The following MAOB variants were observed in gnomAD, a reference collection of about 807,000 sequenced individuals.
MAOB encodes the protein monoamine oxidase B.
MAOB carries 15 observed loss-of-function variants against 41.9 expected under a neutral mutation model. The ratio of observed to expected loss-of-function variants is 0.36; its 90% CI spans 0.24 to 0.55. The LOEUF (loss-of-function observed/expected upper bound fraction) is 0.55. Among genes scored for constraint, MAOB ranks in the 20% least tolerant of loss-of-function variants. MAOB has a pLI of 0.86. For missense variants in MAOB, 345 were observed against 398.7 expected (o/e 0.87, Z 1.15); for synonymous variants, 167 against 144.2 (o/e 1.16, Z -1.13).
At chrX:43,834,251 G>A (rs989267601) in intron 3 of MAOB, among the ~76,000 whole-genome samples, 2 of 111,204 alleles carry the variant, frequency 1.8e-5, no homozygotes, top group Non-Finnish European at 3.8e-5. Flanking sequence ...ACCTGTTCCT[G>A]GAGACTTCTG....
At position 43,878,838 on chromosome X, in the gene MAOB, C is replaced by A. The variant is rs1316648523; in HGVS notation, c.46+3416G>T. ...CTTGCTCTCCCTGCCACAAAGATCA[C>A]CTGCCAGGTGTTGGTTACAATTTGG... On this transcript the variant is annotated intron_variant, in intron 1 of 14. Transcript: ENST00000378069. Among the ~76,000 whole-genome samples, 9 of 111,369 alleles carry A rather than the reference C, an allele frequency of 8.1e-5. No individual in the cohort carries two copies. In the Admixed American group the frequency reaches 8.6e-4, roughly 11 times the overall value.
chrX:43,827,805 C>T (rs919947539), intron 3 of MAOB, among the ~76,000 whole-genome samples: 7 of 111,962 alleles, frequency 6.3e-5, no homozygotes, highest in South Asian at 7.6e-4. Context: ...TGGGGCATAT[C>T]ATTTAGGTAC....
intron 1 of MAOB, among the ~76,000 whole-genome samples, chrX:43,847,059 A>G (rs888706633): frequency 4.4e-5 from 5 of 112,538 alleles, no homozygotes; most frequent in African/African-American, 1.6e-4. Flanking sequence ...AAATGAAAAT[A>G]CTGGCCAGGC....
At chrX:43,808,699 GAC>G (rs147523888) in intron 3 of MAOB, among the ~76,000 whole-genome samples, 2,663 of 87,343 alleles carry the variant, frequency 0.03, 40 homozygotes, top group Non-Finnish European at 0.043. Context: ...TCTACACATA[GAC>G]ACACACACAC....
At chrX:43,792,511 A>T (rs186930132) in intron 8 of MAOB, among the ~76,000 whole-genome samples, 1 of 112,149 alleles carries the variant, frequency 8.9e-6, no homozygotes, top group Admixed American at 9.4e-5. Flanking sequence ...AAATAACCCC[A>T]TTAAAAAGTA....
rs1230137519 is a variant in MAOB at position 43,767,181 on chromosome X, G to A, written c.*285C>T. On this transcript the variant is annotated 3_prime_UTR_variant, in exon 15 of 15. Transcript: ENST00000378069. ...TGTGCATGGGCAAGGTGTGTTGTGG[G>A]GCAGCAAGAACCTTAAACAAGCCAA... 3 of 287,767 alleles carry A rather than the reference G, an allele frequency of 1.0e-5. No homozygotes were observed. The highest frequency in any genetic ancestry group is 1.8e-5 in the Non-Finnish European group (3 of 164,504). The allele number at this position is 287,767 out of a possible 1,213,427, so 23.7% of individuals were successfully genotyped here. A position where few individuals can be genotyped will look rare whatever the true frequency, so the allele number is the denominator to read the frequency against.
intron 5 of MAOB, among the ~76,000 whole-genome samples, chrX:43,799,129 G>A (rs1402515076): frequency 1.3e-4 from 14 of 111,462 alleles, no homozygotes; most frequent in Middle Eastern, 4.6e-3. Flanking sequence ...ATTTGCAGCT[G>A]TAACAACCTG....
In MAOB at chrX:43,843,771, G is replaced by A; in HGVS notation, c.47-7C>T. 1 of 1,208,984 alleles carries A rather than the reference G, an allele frequency of 8.3e-7. No homozygotes were observed. The highest frequency in any genetic ancestry group is 2.3e-4 in the Middle Eastern group (1 of 4,342). Reference sequence around the variant, plus strand: ...AGTTTGGCTGCTGCCATACCTGGGAGAAAAGACAGTAAGACATCAGGATCA... The same window carrying A: ...AGTTTGGCTGCTGCCATACCTGGGAAAAAAGACAGTAAGACATCAGGATCA... On this transcript the variant is annotated splice_polypyrimidine_tract_variant and splice_region_variant and intron_variant, in intron 1 of 14. Coordinates refer to ENST00000378069, the MANE Select transcript of MAOB (RefSeq NM_000898.5).
intron 3 of MAOB, among the ~76,000 whole-genome samples, chrX:43,830,561 A>G: frequency 2.7e-5 from 3 of 112,312 alleles, no homozygotes; most frequent in Middle Eastern, 4.6e-3. Context: ...CCAATAACAC[A>G]GAAGAAAAAT....
intron 1 of MAOB, among the ~76,000 whole-genome samples, chrX:43,870,184 A>G (rs1237354621): frequency 1.8e-5 from 2 of 112,431 alleles, no homozygotes; most frequent in East Asian, 5.6e-4. Flanking sequence ...ACAGCGTCCA[A>G]ACTTCTGTAT....
intron 1 of MAOB, among the ~76,000 whole-genome samples, chrX:43,878,140 G>A (rs1323939896): frequency 8.9e-6 from 1 of 111,737 alleles, no homozygotes; most frequent in Non-Finnish European, 1.9e-5. Flanking sequence ...TAAAGATGAG[G>A]CAGCTGAAAT....
intron 8 of MAOB, among the ~76,000 whole-genome samples, chrX:43,791,919 C>T (rs933274511): frequency 1.8e-5 from 2 of 111,961 alleles, no homozygotes; most frequent in African/African-American, 6.5e-5. Context: ...GTGAGCAACC[C>T]TGCAATGTTC....
At chrX:43,866,781 T>C (rs948501993) in intron 1 of MAOB, among the ~76,000 whole-genome samples, 4 of 112,494 alleles carry the variant, frequency 3.6e-5, no homozygotes, top group Non-Finnish European at 5.6e-5. Context: ...GACCGAATGA[T>C]GGGACACAAA....
intron 1 of MAOB, among the ~76,000 whole-genome samples, chrX:43,857,114 TATAGAG>T (rs1188130163): frequency 0.01 from 118 of 11,421 alleles, no homozygotes; most frequent in Non-Finnish European, 0.015. Flanking sequence ...TATATATATA[TATAGAG>T]AGAGAGAGAG....
At chrX:43,860,851 G>T (rs1206005035) in intron 1 of MAOB, among the ~76,000 whole-genome samples, 3 of 110,843 alleles carry the variant, frequency 2.7e-5, no homozygotes, top group Non-Finnish European at 5.7e-5. Flanking sequence ...AAAATGCAAG[G>T]GTTGTTCCCA....
At chrX:43,811,406 G>A (rs1240864146) in intron 3 of MAOB, among the ~76,000 whole-genome samples, 1 of 111,142 alleles carries the variant, frequency 9.0e-6, no homozygotes, top group African/African-American at 3.3e-5. Context: ...GATGTTCATG[G>A]GAACCTTGCC....
At chrX:43,814,078 GA>G (rs2147146465) in intron 3 of MAOB, among the ~76,000 whole-genome samples, 1 of 110,530 alleles carries the variant, frequency 9.0e-6, no homozygotes, top group South Asian at 4.0e-4. Flanking sequence ...CTGGAGGGGA[GA>G]ATGCTCCAGG....
chrX:43,782,883 A>G (rs1235878711), intron 8 of MAOB, among the ~76,000 whole-genome samples: 3 of 111,937 alleles, frequency 2.7e-5, no homozygotes, highest in African/African-American at 9.8e-5. Context: ...AGAACCAATG[A>G]CCAAAACCAC....
At chrX:43,802,104 G>C (rs1431286373) in intron 5 of MAOB, 68 bp downstream of exon 5, 2 of 871,857 alleles carry the variant, frequency 2.3e-6, no homozygotes, top group Non-Finnish European at 1.7e-6. Flanking sequence ...CATACTTGTT[G>C]AACGGTATTG....
Sources: allele counts gnomAD v4.1 joint callset (sites outside exome capture counted in the v4.1 genomes callset), GRCh38; gene constraint gnomAD v4.1.1; transcripts MANE v1.5; gene names NCBI Gene and HGNC (gene_info 2026-07-23, HGNC 2026-07-21).